HTRA3: variants seen among roughly 807,000 people sequenced by gnomAD.
The protein encoded by HTRA3 is HtrA serine peptidase 3.
In HTRA3, 41 loss-of-function variants were observed where a neutral mutation model predicts 43.2. That is an observed-to-expected ratio of 0.95 (90% confidence interval 0.74 to 1.23). The LOEUF is 1.23. HTRA3 is among the 50% of genes most tolerant of loss of function. The pLI is 0.00. For synonymous variants in HTRA3, 295 were observed against 287.9 expected (o/e 1.02, Z -0.25); for missense variants, 628 against 647.1 (o/e 0.97, Z 0.32).
In HTRA3 at chr4:8,282,501, C is replaced by T. The variant is rs372926582; in HGVS notation, c.450C>T (p.Ile150=). The change falls in exon 2 of 9, where the codon ATC becomes ATT. Residue 150 remains isoleucine, a synonymous_variant. Coordinates refer to ENST00000307358, the MANE Select transcript of HTRA3 (RefSeq NM_053044.5). ...FNFIADVVEK[I]APAVVHIELF... ...TCATTGCTGACGTGGTGGAGAAGATCGCACCAGCCGTGGTCCACATAGAGC... is the reference window on the plus strand; with the variant it reads ...TCATTGCTGACGTGGTGGAGAAGATTGCACCAGCCGTGGTCCACATAGAGC... The T allele has an allele frequency of 1.5e-5, 25 of 1,613,956 alleles. 1 individual carries two copies. The highest frequency in any genetic ancestry group is 8.8e-5 in the South Asian group (8 of 91,074).
chr4:8,304,648 T>TTGTG lies in HTRA3; in HGVS notation c.1196+370_1196+371insGTGT, dbSNP rs1553822315. On this transcript the variant is annotated intron_variant, in intron 8 of 8. Coordinates refer to ENST00000307358, the MANE Select transcript of HTRA3 (RefSeq NM_053044.5). ...TGGAGATAATTCAGCCTATTGTTTT[T>TTGTG]TTTTTTTTTTTTTTTTTTTTTTTTT... Among the ~76,000 whole-genome samples, 219 of 83,824 alleles carry TTGTG rather than the reference T, an allele frequency of 2.6e-3. 16 individuals are homozygous for TTGTG. Among genetic ancestry groups the TTGTG allele is most frequent in the East Asian group, 0.015 (21 of 1,370 alleles). 55.0% of individuals were successfully genotyped at this position (83,824 alleles called of 152,430 possible).
intron 3 of HTRA3, among the ~76,000 whole-genome samples, chr4:8,287,175 A>G (rs1446362171): frequency 6.6e-6 from 1 of 152,110 alleles, no homozygotes; most frequent in African/African-American, 2.4e-5. Flanking sequence ...CGTGGGGAAC[A>G]CTTGGGACAG....
At position 8,294,143 on chromosome 4, in the gene HTRA3, C is replaced by A. The variant is rs761861978; in HGVS notation, c.993C>A (p.Ala331=). The part of the protein sequence containing the change: ...TLKVTAGISF[A]IPSDRITRFL... The stretch of plus-strand genomic sequence containing the variant: ...AGGTCACGGCTGGCATCTCCTTTGC[C>A]ATCCCCTCAGACCGCATCACACGGT... The change falls in exon 6 of 9, where the codon GCC becomes GCA. Residue 331 remains alanine, a synonymous_variant. Transcript: ENST00000307358. 18 of 1,612,810 alleles carry A rather than the reference C, an allele frequency of 1.1e-5. No homozygotes were observed. Among genetic ancestry groups the A allele is most frequent in the Non-Finnish European group, 1.5e-5 (18 of 1,179,422 alleles).
At chr4:8,277,057 C>T (rs1712557830) in intron 1 of HTRA3, among the ~76,000 whole-genome samples, 2 of 152,250 alleles carry the variant, frequency 1.3e-5, no homozygotes, top group African/African-American at 4.8e-5. Flanking sequence ...TCCTCTGGGC[C>T]TGGGCTGCAG....
rs1247178497 is a variant in HTRA3 at position 8,269,873 on chromosome 4, C to T, written c.-96C>T. 1.9e-6 allele frequency: 1 copy of T among 533,120 alleles called. No homozygotes were observed. Among genetic ancestry groups the T allele is most frequent in the African/African-American group, 2.1e-5 (1 of 48,592 alleles). 33.0% of individuals were successfully genotyped at this position (533,120 alleles called of 1,614,324 possible). A position where few individuals can be genotyped will look rare whatever the true frequency, so the allele number is the denominator to read the frequency against. On this transcript the variant is annotated 5_prime_UTR_variant, in exon 1 of 9. Coordinates refer to ENST00000307358, the MANE Select transcript of HTRA3 (RefSeq NM_053044.5). ...ACCGCGCGTCCGCCCCAGTCCCATC[C>T]GTAGGCGCCCGGCGCCCGGCCCCGC...
At chr4:8,304,922 G>A (rs1713783213) in intron 8 of HTRA3, among the ~76,000 whole-genome samples, 1 of 152,142 alleles carries the variant, frequency 6.6e-6, no homozygotes, top group Non-Finnish European at 1.5e-5. Flanking sequence ...GCCTCCCAAA[G>A]TGCTGGGATT....
At position 8,269,913 on chromosome 4, in the gene HTRA3, C is replaced by A; in HGVS notation, c.-56C>A. 1.1e-6 allele frequency: 1 copy of A among 883,278 alleles called. No individual in the cohort carries two copies. Among genetic ancestry groups the A allele is most frequent in the South Asian group, 5.0e-5 (1 of 19,916 alleles). The allele number at this position is 883,278 out of a possible 1,614,324, so 54.7% of individuals were successfully genotyped here. A position where few individuals can be genotyped will look rare whatever the true frequency, so the allele number is the denominator to read the frequency against. On this transcript the variant is annotated 5_prime_UTR_variant, in exon 1 of 9. Coordinates refer to ENST00000307358, the MANE Select transcript of HTRA3 (RefSeq NM_053044.5). Reference sequence around the variant, plus strand: ...CCCGGCCCCGCAGCGGCCTCGTTGTCCCCGCCGGCCCCCGCCCGGTCTCCC... The same window carrying A: ...CCCGGCCCCGCAGCGGCCTCGTTGTACCCGCCGGCCCCCGCCCGGTCTCCC...
At chr4:8,276,104 T>C (rs892348335) in intron 1 of HTRA3, among the ~76,000 whole-genome samples, 1 of 152,208 alleles carries the variant, frequency 6.6e-6, no homozygotes, top group African/African-American at 2.4e-5. Flanking sequence ...CTCCCTGGAA[T>C]TGTGCAATGT....
In HTRA3 at chr4:8,286,820, G is replaced by A. The variant is rs770667723; in HGVS notation, c.708+37G>A. 16 of 1,505,410 alleles carry A rather than the reference G, an allele frequency of 1.1e-5. No individual in the cohort carries two copies. The Admixed American group carries it at 1.2e-4, about 12-fold the overall frequency. The allele number at this position is 1,505,410 out of a possible 1,614,324, so 93.3% of individuals were successfully genotyped here. A position where few individuals can be genotyped will look rare whatever the true frequency, so the allele number is the denominator to read the frequency against. On this transcript the variant is annotated intron_variant, in intron 3 of 8. Coordinates refer to ENST00000307358, the MANE Select transcript of HTRA3 (RefSeq NM_053044.5). The surrounding 1 kb of genome is among the most constrained non-coding windows in gnomAD (Gnocchi z 4.9). ...TGGGTGGAGGGGCGGAAGCACCTGG[G>A]GCTGGGCATGGTGGCCTCTTCCCAG...
chr4:8,277,249 A>C (rs1228872194), intron 1 of HTRA3, among the ~76,000 whole-genome samples: 2 of 152,174 alleles, frequency 1.3e-5, no homozygotes, highest in African/African-American at 4.8e-5. Context: ...GAGGAGGAAA[A>C]GCAAAGGAAG....
Position 8,271,520 on chromosome 4 carries a change from C to G in HTRA3, c.385+1167C>G, listed in dbSNP as rs544816161. On this transcript the variant is annotated intron_variant, in intron 1 of 8. Coordinates refer to ENST00000307358, the MANE Select transcript of HTRA3 (RefSeq NM_053044.5). ...AGCTAGGATTATGTGGAAGAGCCAC[C>G]GCAGGGTTTGGCGGGGAGTCCCAGT... is the stretch of plus-strand genomic sequence containing the variant. Among the ~76,000 whole-genome samples, 29 of 152,282 alleles carry G rather than the reference C, an allele frequency of 1.9e-4. No individual in the cohort carries two copies. The East Asian group carries it at 5.4e-3, about 28-fold the overall frequency.
rs553535991 is a variant in HTRA3, at chr4:8,291,529, G to A, written c.868G>A (p.Asp290Asn). The A allele has an allele frequency of 1.5e-5, 24 of 1,609,782 alleles. No homozygotes were observed. Among genetic ancestry groups the A allele is most frequent in the East Asian group, 4.5e-5 (2 of 44,786 alleles). Residue 290 changes from aspartate (D) to asparagine (N), a missense_variant, in exon 4 of 9, where the codon GAC (aspartate) becomes AAC (asparagine). Coordinates refer to ENST00000307358, the MANE Select transcript of HTRA3 (RefSeq NM_053044.5). ...CAGGGAGCTGGGCCTCCGGGACTCC[G>A]ACATGGACTACATCCAGACGGATGC... ...EGRELGLRDS[D>N]MDYIQTDAII...
At chr4:8,291,715 G>T in intron 4 of HTRA3, 151 bp downstream of exon 4, 1 of 643,842 alleles carries the variant, frequency 1.6e-6, no homozygotes, top group East Asian at 2.8e-5. Flanking sequence ...TTTACATTCG[G>T]TGGAGCTCTA....
intron 1 of HTRA3, among the ~76,000 whole-genome samples, chr4:8,272,548 C>G (rs896812452): frequency 6.6e-6 from 1 of 152,222 alleles, no homozygotes; most frequent in Non-Finnish European, 1.5e-5. Context: ...CTGCCAGACA[C>G]GAAGGCACAC....
chr4:8,304,330 T>G lies in HTRA3; in HGVS notation c.1196+51T>G, dbSNP rs748217345. On this transcript the variant is annotated intron_variant, in intron 8 of 8. Transcript: ENST00000307358. ...CGAGGCATGGGGCAGGCGTGAGGTC[T>G]GGGCTGGGGCTGCCCCACTGACCTC... 6 of 1,475,866 alleles carry G rather than the reference T, an allele frequency of 4.1e-6. No individual in the cohort carries two copies. The African/African-American group carries it at 8.3e-5, about 20-fold the overall frequency. 91.4% of individuals were successfully genotyped at this position (1,475,866 alleles called of 1,614,324 possible).
rs1226273915 is a variant in HTRA3, at chr4:8,279,601, A to G, written c.386-2836A>G. Reference sequence around the variant, plus strand: ...CCGGCCCTGGGTGTTGGAGTGTCTGAGTCCAGGATGGAGACACACAGGAAG... The same window carrying G: ...CCGGCCCTGGGTGTTGGAGTGTCTGGGTCCAGGATGGAGACACACAGGAAG... On this transcript the variant is annotated intron_variant, in intron 1 of 8. Transcript: ENST00000307358. The surrounding 1 kb of genome is among the most constrained non-coding windows in gnomAD (Gnocchi z 7.4). 1.3e-5 allele frequency among the ~76,000 whole-genome samples: 2 copies of G among 152,148 alleles called. No homozygotes were observed. Among genetic ancestry groups the G allele is most frequent in the African/African-American group, 2.4e-5 (1 of 41,420 alleles).
intron 6 of HTRA3, among the ~76,000 whole-genome samples, chr4:8,301,299 T>C (rs1383427007): frequency 2.0e-5 from 3 of 148,168 alleles, no homozygotes; most frequent in Non-Finnish European, 4.4e-5. Flanking sequence ...CACTCATCTT[T>C]ATTATTGATT....
Position 8,282,426 on chromosome 4 carries a change from C to T in HTRA3, c.386-11C>T, listed in dbSNP as rs374989611. 2.7e-5 allele frequency: 43 copies of T among 1,607,862 alleles called. No homozygotes were observed. The highest frequency in any genetic ancestry group is 4.0e-5 in the African/African-American group (3 of 74,730). Reference sequence around the variant, plus strand: ...TCTCACTGATGCACCTGGCCCTTCCCGCCAGCGCAGGTCTCCACCAGCTGA... The same window carrying T: ...TCTCACTGATGCACCTGGCCCTTCCTGCCAGCGCAGGTCTCCACCAGCTGA... On this transcript the variant is annotated splice_polypyrimidine_tract_variant and intron_variant, in intron 1 of 8. Coordinates refer to ENST00000307358, the MANE Select transcript of HTRA3 (RefSeq NM_053044.5).
intron 1 of HTRA3, among the ~76,000 whole-genome samples, chr4:8,275,797 T>A (rs976240507): frequency 2.6e-5 from 4 of 152,192 alleles, no homozygotes; most frequent in Non-Finnish European, 5.9e-5. Flanking sequence ...TGGTCCTGTA[T>A]GAGAAAGGGT....
Sources: gnomAD v4.1 joint callset for allele counts (sites outside exome capture counted in the v4.1 genomes callset) on GRCh38, gnomAD v4.1.1 for gene constraint, Gnocchi (gnomAD v3.1) non-coding constraint, MANE v1.5 for transcripts, NCBI Gene and HGNC (gene_info 2026-07-23, HGNC 2026-07-21) for gene names.